Variants in C1orf167 observed in about 807,000 individuals in gnomAD.
The protein encoded by C1orf167 is uncharacterized protein C1orf167.
A neutral mutation model predicts 176.5 loss-of-function variants in C1orf167; 153 were observed. The ratio of observed to expected loss-of-function variants is 0.87; its 90% CI spans 0.76 to 0.99. C1orf167 has a LOEUF of 0.99. Among genes scored for constraint, C1orf167 ranks in the 50% least tolerant of loss-of-function variants. The pLI, the probability that C1orf167 is intolerant of heterozygous loss-of-function variation, is 0.00. For missense variants in C1orf167, 1,490 were observed against 1,817.7 expected (o/e 0.82, Z 3.28); for synonymous variants, 594 against 752.7 (o/e 0.79, Z 3.45).
In C1orf167 at chr1:11,785,180, G is replaced by A. The variant is rs764284909; in HGVS notation, c.3458G>A (p.Arg1153His). The A allele has an allele frequency of 1.6e-5, 21 of 1,291,392 alleles. No individual in the cohort carries two copies. In the East Asian group the frequency reaches 8.3e-4, roughly 51 times the overall value. The allele number at this position is 1,291,392 out of a possible 1,614,324, so 80.0% of individuals were successfully genotyped here. Residue 1153 changes from arginine (R) to histidine (H), a missense_variant, in exon 16 of 21, where the codon CGC (arginine) becomes CAC (histidine). Transcript: ENST00000688073. ...VLEASVQSAV[R>H]GGVQRAILTQ... Reference sequence around the variant, plus strand: ...GAGGCCTCGGTGCAGTCGGCGGTGCGCGGCGGTGTCCAGCGAGCCATCCTC... The same window carrying A: ...GAGGCCTCGGTGCAGTCGGCGGTGCACGGCGGTGTCCAGCGAGCCATCCTC...
At chr1:11,769,661 T>C (rs1642957519) in intron 6 of C1orf167, among the ~76,000 whole-genome samples, 1 of 140,724 alleles carries the variant, frequency 7.1e-6, no homozygotes, top group African/African-American at 2.6e-5. Context: ...CCATCCAATA[T>C]GATGTTTAGG....
chr1:11,775,249 A>T (rs1468996875), intron 8 of C1orf167, among the ~76,000 whole-genome samples, 186 bp from the exon 9 acceptor site: 1 of 152,206 alleles, frequency 6.6e-6, no homozygotes, highest in African/African-American at 2.4e-5. Context: ...AGATCGCACC[A>T]TTGCACTCCA....
Position 11,787,669 on chromosome 1 carries a change from A to G in C1orf167, c.3673+176A>G. ...CAGCTGTTCTGAGAAAACACTTTGC[A>G]TTCCTGCCCCGCCCCTGTGATTTCT... On this transcript the variant is annotated intron_variant, in intron 17 of 20. Transcript: ENST00000688073. 4 of 908,354 alleles carry G rather than the reference A, an allele frequency of 4.4e-6. No homozygotes were observed. In the African/African-American group the frequency reaches 7.0e-5, roughly 16 times the overall value. The allele number at this position is 908,354 out of a possible 1,614,324, so 56.3% of individuals were successfully genotyped here.
intron 4 of C1orf167, among the ~76,000 whole-genome samples, chr1:11,767,742 C>T (rs1476502285): frequency 6.6e-6 from 1 of 152,124 alleles, no homozygotes; most frequent in Non-Finnish European, 1.5e-5. Context: ...GGGAGGATCA[C>T]TTGAGCCCAG....
At chr1:11,785,427 G>C in intron 16 of C1orf167, 138 bp downstream of exon 16, 1 of 982,756 alleles carries the variant, frequency 1.0e-6, no homozygotes, top group Non-Finnish European at 1.3e-6. Context: ...AATGACCCTC[G>C]GACCACCGGC....
Position 11,784,248 on chromosome 1 carries a change from GCCT to G in C1orf167, c.3081_3083del (p.Leu1028del). 7.7e-7 allele frequency: 1 copy of G among 1,299,624 alleles called. No individual in the cohort carries two copies. Among genetic ancestry groups the G allele is most frequent in the African/African-American group, 1.5e-5 (1 of 65,950 alleles). 80.5% of individuals were successfully genotyped at this position (1,299,624 alleles called of 1,614,324 possible). Reference sequence around the variant, plus strand: ...GCCCAGCATCAAGCCTTTCAGGATGGCCTGAGGAGAAGAGCACTGGGGGCCGTG... The same window carrying G: ...GCCCAGCATCAAGCCTTTCAGGATGGGAGGAGAAGAGCACTGGGGGCCGTG... On this transcript the variant is annotated inframe_deletion, in exon 15 of 21. Transcript: ENST00000688073.
chr1:11,767,028 G>A lies in C1orf167; in HGVS notation c.1242G>A (p.Glu414=), dbSNP rs1226751069. ...CCCCGAGGGAGCGGGTCCACAGGGA[G>A]GAGGAGAGGACAGCTTTCCATCTGT... ...EGAPRERVHR[E]EERTAFHLSD... is the part of the protein sequence containing the mutation. Residue 414 remains glutamate (E), a synonymous_variant, in exon 3 of 21, where the codon GAG becomes GAA. Transcript: ENST00000688073. The A allele has an allele frequency of 2.5e-6, 3 of 1,220,348 alleles. No individual in the cohort carries two copies. Among genetic ancestry groups the A allele is most frequent in the Non-Finnish European group, 3.1e-6 (3 of 954,026 alleles). The allele number at this position is 1,220,348 out of a possible 1,614,324, so 75.6% of individuals were successfully genotyped here. A position where few individuals can be genotyped will look rare whatever the true frequency, so the allele number is the denominator to read the frequency against.
chr1:11,781,941 TA>T (rs1251590344), intron 13 of C1orf167, among the ~76,000 whole-genome samples: 1 of 152,006 alleles, frequency 6.6e-6, no homozygotes, highest in Non-Finnish European at 1.5e-5. Context: ...ATTAGATTTT[TA>T]CCTGAATTCT....
rs1297835928 is a variant in C1orf167 at position 11,788,199 on chromosome 1, C to T, written c.3899C>T (p.Ala1300Val). The T allele has an allele frequency of 2.3e-6, 3 of 1,299,310 alleles. No homozygotes were observed. The highest frequency in any genetic ancestry group is 2.0e-6 in the Non-Finnish European group (2 of 984,920). 80.5% of individuals were successfully genotyped at this position (1,299,310 alleles called of 1,614,324 possible). A position where few individuals can be genotyped will look rare whatever the true frequency, so the allele number is the denominator to read the frequency against. ...AAGCAGGCCCAGGCCCATGGCTCTG[C>T]CCTCCTTCTGGCCCTGAAGGGTCAC... ...LEKQAQAHGS[A>V]LLLALKGHDA... Residue 1300 changes from alanine (A) to valine (V), a missense_variant, in exon 19 of 21, where the codon GCC becomes GTC. Ala to Val is a moderately conservative substitution (Grantham distance 64). Transcript: ENST00000688073.
At chr1:11,762,868 G>A (rs536275842) in intron 1 of C1orf167, among the ~76,000 whole-genome samples, 101 of 152,360 alleles carry the variant, frequency 6.6e-4, no homozygotes, top group Admixed American at 1.1e-3. Context: ...ACTGGAGGGA[G>A]AAATACACTA....
Position 11,788,678 on chromosome 1 carries a change from C to T in C1orf167, c.4105C>T (p.Leu1369=). ...TCAGGGAGTGGCACCTGAGATGGGC[C>T]TGGCAGACGTGGTGGCAGCGGATCC... ...PAQGVAPEMG[L]ADVVAADPAT... is the part of the protein sequence containing the mutation. The change falls in exon 20 of 21, where the codon CTG becomes TTG. Residue 1369 remains leucine (L), a synonymous_variant. Transcript: ENST00000688073. 1 of 1,304,306 alleles carries T rather than the reference C, an allele frequency of 7.7e-7. No individual in the cohort carries two copies. Among genetic ancestry groups the T allele is most frequent in the Non-Finnish European group, 1.0e-6 (1 of 988,960 alleles). 80.8% of individuals were successfully genotyped at this position (1,304,306 alleles called of 1,614,324 possible). A position where few individuals can be genotyped will look rare whatever the true frequency, so the allele number is the denominator to read the frequency against.
chr1:11,778,291 C>CAAA (rs70983596), intron 10 of C1orf167: 5 of 75,598 alleles, frequency 6.6e-5, no homozygotes, highest in African/African-American at 1.1e-4. Flanking sequence ...GACCCTGTCT[C>CAAA]AAAAAAAAAA....
chr1:11,780,595 A>G (rs1233886774), intron 13 of C1orf167, among the ~76,000 whole-genome samples: 4 of 152,218 alleles, frequency 2.6e-5, no homozygotes, highest in African/African-American at 9.7e-5. Context: ...CTCAGCTTAC[A>G]CATCTGTAAA....
intron 13 of C1orf167, among the ~76,000 whole-genome samples, chr1:11,780,999 CTT>C (rs386366239): frequency 5.7e-4 from 53 of 92,782 alleles, no homozygotes; most frequent in African/African-American, 2.0e-3. Context: ...CCCAACCAGT[CTT>C]TTTTTTTTTT....
intron 8 of C1orf167, 88 bp downstream of exon 8, chr1:11,772,347 C>T (rs1320835670): frequency 8.9e-7 from 1 of 1,119,280 alleles, no homozygotes; most frequent in Non-Finnish European, 1.2e-6. Context: ...TCACTGCACC[C>T]TCCACCTCCC....
At chr1:11,772,059 C>A (rs1161538440) in intron 7 of C1orf167, 23 bp from the exon 8 acceptor site, 1 of 1,288,546 alleles carries the variant, frequency 7.8e-7, no homozygotes, top group South Asian at 1.3e-5. Flanking sequence ...TCTCTTTTCT[C>A]TCCCTCCTCC....
intron 9 of C1orf167, among the ~76,000 whole-genome samples, 199 bp from the exon 10 acceptor site, chr1:11,776,258 AAAGAAAC>A (rs369345033): frequency 0.065 from 9,672 of 147,734 alleles, 435 homozygotes; most frequent in South Asian, 0.15. Flanking sequence ...ATTCTGTCTC[AAAGAAAC>A]AAAAAACAAA....
chr1:11,776,695 C>A, intron 10 of C1orf167, 57 bp downstream of exon 10: 1 of 1,169,482 alleles, frequency 8.6e-7, no homozygotes, highest in Non-Finnish European at 1.1e-6. Context: ...GGGGTGGGCA[C>A]GTGAGCAGTG....
chr1:11,779,407 A>G, intron 12 of C1orf167: 1 of 218,094 alleles, frequency 4.6e-6, no homozygotes, highest in South Asian at 6.6e-5. Flanking sequence ...CAAGTTGCAT[A>G]ACTTCTCTGT....
Sources: allele counts gnomAD v4.1 joint callset (sites outside exome capture counted in the v4.1 genomes callset), GRCh38; gene constraint gnomAD v4.1.1; transcripts MANE v1.5; gene names NCBI Gene and HGNC (gene_info 2026-07-23, HGNC 2026-07-21).